The following NRG3 variants were observed in gnomAD, a reference collection of about 807,000 sequenced individuals.
NRG3 encodes neuregulin 3, also known as pro-neuregulin-3, membrane-bound isoform.
NRG3 carries 31 observed loss-of-function variants against 66.9 expected under a neutral mutation model. The ratio of observed to expected loss-of-function variants is 0.46; its 90% CI spans 0.35 to 0.63. The LOEUF (loss-of-function observed/expected upper bound fraction) is 0.63. NRG3 is among the 20% of genes least tolerant of loss of function. The pLI, the probability that NRG3 is intolerant of heterozygous loss-of-function variation, is 0.00. For synonymous variants in NRG3, 393 were observed against 359.4 expected (o/e 1.09, Z -1.06); for missense variants, 910 against 878.9 (o/e 1.04, Z -0.45).
chr10:82,665,201 G>T (rs1021537557), intron 2 of NRG3, among the ~76,000 whole-genome samples: 2 of 152,122 alleles, frequency 1.3e-5, no homozygotes, highest in African/African-American at 4.8e-5. Context: ...TGCCCCTTCT[G>T]TTCCTCATGT....
At chr10:82,279,153 G>T (rs932900700) in intron 1 of NRG3, among the ~76,000 whole-genome samples, 5 of 152,110 alleles carry the variant, frequency 3.3e-5, no homozygotes, top group Admixed American at 6.6e-5. Flanking sequence ...AGGAAGAAAT[G>T]GATTTATTTT....
At chr10:82,566,874 T>TC (rs1412837457) in intron 2 of NRG3, among the ~76,000 whole-genome samples, 42 of 152,012 alleles carry the variant, frequency 2.8e-4, no homozygotes, top group African/African-American at 9.4e-4. Flanking sequence ...TACAAGATAA[T>TC]CACTGGTGAT....
chr10:82,935,076 G>T, intron 4 of NRG3, among the ~76,000 whole-genome samples: 1 of 151,972 alleles, frequency 6.6e-6, no homozygotes, highest in South Asian at 2.1e-4. Context: ...ATACCTGGGG[G>T]TAATCTCTGT....
At chr10:82,151,616 A>G (rs1220788035) in intron 1 of NRG3, among the ~76,000 whole-genome samples, 3 of 152,094 alleles carry the variant, frequency 2.0e-5, no homozygotes, top group Non-Finnish European at 2.9e-5. Flanking sequence ...TGTAAGTAGC[A>G]TTTAAATTAT....
intron 4 of NRG3, among the ~76,000 whole-genome samples, chr10:82,903,769 A>G (rs552545041): frequency 2.2e-4 from 33 of 152,242 alleles, no homozygotes; most frequent in African/African-American, 7.7e-4. Flanking sequence ...TCTGGTCAAC[A>G]TTAGGCTATT....
chr10:81,903,860 A>G (rs947959914), intron 1 of NRG3, among the ~76,000 whole-genome samples: 4 of 151,956 alleles, frequency 2.6e-5, no homozygotes, highest in Admixed American at 1.3e-4. Context: ...CTGAGCCCTC[A>G]CTCTAAATTT....
intron 1 of NRG3, among the ~76,000 whole-genome samples, chr10:82,086,243 G>A (rs1397549783): frequency 2.6e-5 from 4 of 152,050 alleles, no homozygotes; most frequent in Admixed American, 2.0e-4. Flanking sequence ...GGTATTTTGA[G>A]CTTTTCTTTT....
chr10:82,652,842 G>A (rs574481925), intron 2 of NRG3, among the ~76,000 whole-genome samples: 1 of 152,262 alleles, frequency 6.6e-6, no homozygotes, highest in Admixed American at 6.5e-5. Context: ...CAGGATTTCT[G>A]ACCTTTCAAA....
intron 1 of NRG3, among the ~76,000 whole-genome samples, chr10:82,296,805 T>C (rs1188104584): frequency 6.6e-6 from 1 of 152,094 alleles, no homozygotes; most frequent in East Asian, 1.9e-4. Flanking sequence ...TTGGGGGATA[T>C]ATACATATAT....
Position 81,933,309 on chromosome 10 carries a change from A to G in NRG3, c.823+57146A>G, listed in dbSNP as rs75227802. On this transcript the variant is annotated intron_variant, in intron 1 of 8. Transcript: ENST00000372141. Reference sequence around the variant, plus strand: ...TCTTATCTAATTATGTATAATTCCCACAGCAGCTCTGCAAGATAGATACTT... The same window carrying G: ...TCTTATCTAATTATGTATAATTCCCGCAGCAGCTCTGCAAGATAGATACTT... Among the ~76,000 whole-genome samples the G allele has an allele frequency of 1.2e-3, 181 of 152,202 alleles. 1 individual carries two copies. The highest frequency in any genetic ancestry group is 2.2e-3 in the Non-Finnish European group (147 of 68,008).
At chr10:82,332,448 A>T (rs2082182331) in intron 1 of NRG3, among the ~76,000 whole-genome samples, 1 of 152,066 alleles carries the variant, frequency 6.6e-6, no homozygotes, top group Non-Finnish European at 1.5e-5. Context: ...ACAAACTAAC[A>T]CATCTAGAAG....
At chr10:82,426,659 G>T (rs1437991314) in intron 2 of NRG3, among the ~76,000 whole-genome samples, 4 of 147,714 alleles carry the variant, frequency 2.7e-5, no homozygotes, top group African/African-American at 9.9e-5. Flanking sequence ...TTGAGACAGG[G>T]TCTCACTTTA....
At chr10:82,624,707 A>G (rs968202619) in intron 2 of NRG3, among the ~76,000 whole-genome samples, 3 of 148,228 alleles carry the variant, frequency 2.0e-5, no homozygotes, top group African/African-American at 4.9e-5. Context: ...ATGCATACAT[A>G]TATATATATA....
At chr10:82,362,374 T>C (rs1286982753) in intron 2 of NRG3, among the ~76,000 whole-genome samples, 1 of 142,588 alleles carries the variant, frequency 7.0e-6, no homozygotes, top group Non-Finnish European at 1.5e-5. Flanking sequence ...TGTGTGTGTG[T>C]GTGTATTTTA....
rs905818862 is a variant in NRG3 at position 82,986,768 on chromosome 10, A to G, written c.*1163A>G. 5.3e-5 allele frequency: 8 copies of G among 152,198 alleles called. No homozygotes were observed. The highest frequency in any genetic ancestry group is 1.9e-4 in the African/African-American group (8 of 41,452). 9.4% of individuals were successfully genotyped at this position (152,198 alleles called of 1,614,324 possible). A position where few individuals can be genotyped will look rare whatever the true frequency, so the allele number is the denominator to read the frequency against. On this transcript the variant is annotated 3_prime_UTR_variant, in exon 9 of 9. Coordinates refer to ENST00000372141, the MANE Select transcript of NRG3 (RefSeq NM_001010848.4). ...ATTTTGAATCATGCCTACTTAAATT[A>G]TTAATACAAGACAATTAACAAATTG...
intron 2 of NRG3, among the ~76,000 whole-genome samples, chr10:82,511,309 C>T (rs1370148386): frequency 2.0e-5 from 3 of 152,162 alleles, no homozygotes; most frequent in Non-Finnish European, 4.4e-5. Context: ...TGTGCTGTGT[C>T]CCCAATTTGT....
intron 4 of NRG3, among the ~76,000 whole-genome samples, chr10:82,897,698 T>G (rs541066224): frequency 1.3e-5 from 2 of 152,178 alleles, no homozygotes; most frequent in South Asian, 4.2e-4. Flanking sequence ...GTTGTATTTT[T>G]TAGTAGAGAC....
At chr10:82,236,503 T>G (rs553102029) in intron 1 of NRG3, among the ~76,000 whole-genome samples, 28 of 152,302 alleles carry the variant, frequency 1.8e-4, no homozygotes, top group African/African-American at 6.7e-4. Context: ...CACTACAATC[T>G]GCCACAGTGT....
intron 2 of NRG3, among the ~76,000 whole-genome samples, chr10:82,642,550 A>AT (rs2050657307): frequency 6.6e-6 from 1 of 152,014 alleles, no homozygotes; most frequent in African/African-American, 2.4e-5. Context: ...ATGGAGAAAT[A>AT]TATGAGATGA....
Sources: gnomAD v4.1 joint callset for allele counts (sites outside exome capture counted in the v4.1 genomes callset) on GRCh38, gnomAD v4.1.1 for gene constraint, MANE v1.5 for transcripts, NCBI Gene and HGNC (gene_info 2026-07-23, HGNC 2026-07-21) for gene names.